Variants in CLASRP observed in about 807,000 individuals in gnomAD.
The protein encoded by CLASRP is CLK4-associating serine/arginine rich protein.
Under a neutral mutation model 99.9 loss-of-function variants are expected in CLASRP, and 52 were observed. The ratio of observed to expected loss-of-function variants is 0.52; its 90% confidence interval spans 0.42 to 0.66. CLASRP has a LOEUF of 0.66. Ranked by LOEUF, CLASRP falls within the 30% of genes least tolerant of loss-of-function variation. The pLI is 0.00. For synonymous variants in CLASRP, 379 were observed against 373.0 expected, an observed-to-expected ratio of 1.02 and a Z score of -0.18; for missense variants, 848 against 999.2, an observed-to-expected ratio of 0.85 and a Z score of 2.04.
At chr19:45,051,947 G>A (rs577637881) in intron 2 of CLASRP, 124 bp from the exon 3 acceptor site, 16 of 708,130 alleles carry the variant, frequency 2.3e-5, no homozygotes, top group East Asian at 1.3e-4. Context: ...CAGCCTGGGC[G>A]ACAGAGTGAG....
At chr19:45,053,306 T>C (rs1211293160) in intron 5 of CLASRP, 129 bp downstream of exon 5, 2 of 813,020 alleles carry the variant, frequency 2.5e-6, no homozygotes, top group Non-Finnish European at 4.0e-6. Flanking sequence ...CGGCTCCAGC[T>C]CTACGATAGA....
Position 45,064,370 on chromosome 19 carries a change from C to CTCT in CLASRP, c.1153_1155dup (p.Ser385dup). On this transcript the variant is annotated inframe_insertion, in exon 13 of 21. Coordinates refer to ENST00000221455, the MANE Select transcript of CLASRP (RefSeq NM_007056.3). The stretch of plus-strand genomic sequence containing the variant: ...GCCGCTCCTCCTCCTCCTCCTCCTC[C>CTCT]TCTTCTGCCTCGAGGACCTCCAGCT... The CTCT allele has an allele frequency of 6.5e-7, 1 of 1,528,354 alleles. No homozygotes were observed. Among genetic ancestry groups the CTCT allele is most frequent in the South Asian group, 1.2e-5 (1 of 83,554 alleles). 94.7% of individuals were successfully genotyped at this position (1,528,354 alleles called of 1,614,324 possible).
At chr19:45,046,885 G>C (rs1173713317) in intron 2 of CLASRP, among the ~76,000 whole-genome samples, 5 of 152,090 alleles carry the variant, frequency 3.3e-5, no homozygotes, top group Admixed American at 6.6e-5. Context: ...AAATTAGCTG[G>C]GCGTTGTGGC....
chr19:45,056,977 A>G (rs952695064), intron 6 of CLASRP, among the ~76,000 whole-genome samples: 2 of 152,044 alleles, frequency 1.3e-5, no homozygotes, highest in African/African-American at 4.8e-5. Context: ...AGCTGATGTC[A>G]CTCTGGAGAG....
rs908487031 is a variant in CLASRP, at chr19:45,069,061, T to C, written c.1769-5T>C. ...CCTCAGCCACCCTGTTCTTTCTCTC[T>C]ACAGTCAAGGCGGATAAGAAGGCGG... On this transcript the variant is annotated splice_region_variant and splice_polypyrimidine_tract_variant and intron_variant, in intron 16 of 20. Transcript: ENST00000221455. The C allele has an allele frequency of 6.2e-7, 1 of 1,613,190 alleles. No individual in the cohort carries two copies. Among genetic ancestry groups the C allele is most frequent in the Non-Finnish European group, 8.5e-7 (1 of 1,179,730 alleles).
intron 2 of CLASRP, among the ~76,000 whole-genome samples, chr19:45,045,698 C>G (rs915326059): frequency 1.3e-5 from 2 of 152,102 alleles, no homozygotes. Context: ...TGTTGGTTGC[C>G]AATTAATGGT....
intron 2 of CLASRP, among the ~76,000 whole-genome samples, chr19:45,041,677 T>C (rs1266962635): frequency 2.6e-5 from 4 of 152,220 alleles, no homozygotes; most frequent in Non-Finnish European, 4.4e-5. Context: ...ACTGACCCTG[T>C]CCCTTCGTTG....
chr19:45,050,757 G>T (rs918665811), intron 2 of CLASRP, among the ~76,000 whole-genome samples: 19 of 151,964 alleles, frequency 1.3e-4, no homozygotes, highest in Admixed American at 1.2e-3. Flanking sequence ...TTGTCCCCCA[G>T]GCTGGAGTGC....
At position 45,060,160 on chromosome 19, in the gene CLASRP, A is replaced by G. The variant is rs1162153013; in HGVS notation, c.711-229A>G. Among the ~76,000 whole-genome samples, 1 of 151,028 alleles carries G rather than the reference A, an allele frequency of 6.6e-6. No homozygotes were observed. The highest frequency in any genetic ancestry group is 6.6e-5 in the Admixed American group (1 of 15,168). ...CTCATTATCTTCTCCCCTAGAATGTAAGCCCGTGCAGGTGAGGATTTCTGT... is the reference window on the plus strand; with the variant it reads ...CTCATTATCTTCTCCCCTAGAATGTGAGCCCGTGCAGGTGAGGATTTCTGT... On this transcript the variant is annotated intron_variant, in intron 8 of 20. Coordinates refer to ENST00000221455, the MANE Select transcript of CLASRP (RefSeq NM_007056.3). The surrounding 1 kb of genome is among the most constrained non-coding windows in gnomAD (Gnocchi z 4.6).
At chr19:45,054,260 T>G (rs1004762835) in intron 5 of CLASRP, among the ~76,000 whole-genome samples, 1 of 150,038 alleles carries the variant, frequency 6.7e-6, no homozygotes, top group South Asian at 2.1e-4. Context: ...GGGTTTTTTG[T>G]TTTTTTTGAG....
At chr19:45,059,241 C>T in intron 7 of CLASRP, 27 bp from the exon 8 acceptor site, 1 of 1,592,196 alleles carries the variant, frequency 6.3e-7, no homozygotes, top group Non-Finnish European at 8.6e-7. Context: ...TCGGCCGTGG[C>T]TCCTGACAGC....
At chr19:45,062,440 C>T (rs781324124) in intron 11 of CLASRP, among the ~76,000 whole-genome samples, 7 of 152,202 alleles carry the variant, frequency 4.6e-5, no homozygotes, top group Non-Finnish European at 7.3e-5. Flanking sequence ...TGCAGTGGCA[C>T]GATCTTGGCT....
intron 7 of CLASRP, 124 bp from the exon 8 acceptor site, chr19:45,059,144 A>T: frequency 1.3e-6 from 1 of 778,346 alleles, no homozygotes; most frequent in East Asian, 2.7e-5. Flanking sequence ...ACTTGATGCC[A>T]TCCCTTCCTG....
intron 15 of CLASRP, 101 bp downstream of exon 15, chr19:45,068,155 A>G (rs1967136679): frequency 3.8e-6 from 4 of 1,047,012 alleles, no homozygotes; most frequent in Non-Finnish European, 5.9e-6. Flanking sequence ...GGGCTGGGAG[A>G]TCCAGCCCCA....
chr19:45,058,797 T>C (rs1972169700), intron 7 of CLASRP, among the ~76,000 whole-genome samples: 1 of 151,904 alleles, frequency 6.6e-6, no homozygotes. Context: ...ACCCACACCC[T>C]GCCTGCCACC....
rs2122580049 is a variant in CLASRP, at chr19:45,060,104, C to T, written c.711-285C>T. The stretch of plus-strand genomic sequence containing the variant: ...GCAGCTTCCTCTGCCTTTGCTCTAC[C>T]ATCTAATGGACCACACATTTTATTC... On this transcript the variant is annotated intron_variant, in intron 8 of 20. Coordinates refer to ENST00000221455, the MANE Select transcript of CLASRP (RefSeq NM_007056.3). The surrounding 1 kb of genome is among the most constrained non-coding windows in gnomAD (Gnocchi z 4.6). Among the ~76,000 whole-genome samples the T allele has an allele frequency of 6.6e-6, 1 of 152,282 alleles. No homozygotes were observed. The highest frequency in any genetic ancestry group is 3.4e-3 in the Middle Eastern group (1 of 294).
chr19:45,061,461 GTC>G (rs565806809), intron 10 of CLASRP, among the ~76,000 whole-genome samples: 62 of 152,042 alleles, frequency 4.1e-4, no homozygotes, highest in Non-Finnish European at 4.0e-4. Flanking sequence ...AGCTGTGATA[GTC>G]TCTCTTTTTT....
chr19:45,061,083 G>T (rs150331378), intron 10 of CLASRP, among the ~76,000 whole-genome samples: 1 of 152,318 alleles, frequency 6.6e-6, no homozygotes, highest in African/African-American at 2.4e-5. Flanking sequence ...CCCACAGGGA[G>T]GTCTTGGGAC....
intron 7 of CLASRP, among the ~76,000 whole-genome samples, chr19:45,058,860 C>G (rs746595955): frequency 5.9e-5 from 9 of 151,922 alleles, no homozygotes; most frequent in East Asian, 1.9e-4. Context: ...CTCCCTCTCA[C>G]GTCAACCCCA....
Sources: gnomAD v4.1 joint callset for allele counts (sites outside exome capture counted in the v4.1 genomes callset) on GRCh38, gnomAD v4.1.1 for gene constraint, Gnocchi (gnomAD v3.1) non-coding constraint, MANE v1.5 for transcripts, NCBI Gene and HGNC (gene_info 2026-07-23, HGNC 2026-07-21) for gene names.